The following ARHGEF3 variants were observed in gnomAD, a reference collection of about 807,000 sequenced individuals.
ARHGEF3 encodes the protein Rho guanine nucleotide exchange factor 3.
Under a neutral mutation model 63.2 loss-of-function variants are expected in ARHGEF3, and 28 were observed. The ratio of observed to expected loss-of-function variants is 0.44; its 90% CI spans 0.33 to 0.61. The LOEUF (loss-of-function observed/expected upper bound fraction) is 0.61, where lower values mean the gene tolerates loss of function less well. ARHGEF3 is among the 20% of genes least tolerant of loss of function. The pLI, the probability that ARHGEF3 is intolerant of heterozygous loss-of-function variation, is 0.03. For missense variants in ARHGEF3, 533 were observed against 659.3 expected, an observed-to-expected ratio of 0.81 and a Z score of 2.10; for synonymous variants, 266 against 254.2, an observed-to-expected ratio of 1.05 and a Z score of -0.44.
chr3:56,885,171 T>C (rs1051791161), intron 3 of ARHGEF3, among the ~76,000 whole-genome samples: 9 of 152,218 alleles, frequency 5.9e-5, no homozygotes, highest in Non-Finnish European at 1.0e-4. Context: ...ATGGGCGTCC[T>C]GCTGCCTAGA....
At chr3:56,751,273 C>T (rs767186991) in intron 5 of ARHGEF3, 27 bp downstream of exon 5, 32 of 1,588,614 alleles carry the variant, frequency 2.0e-5, no homozygotes, top group African/African-American at 4.0e-5. Flanking sequence ...CTACAAGTCA[C>T]GACTCATCCT....
chr3:56,892,326 G>A (rs992583836), intron 3 of ARHGEF3, among the ~76,000 whole-genome samples: 1 of 152,084 alleles, frequency 6.6e-6, no homozygotes, highest in Non-Finnish European at 1.5e-5. Flanking sequence ...TTTCAACAGT[G>A]GATGTGACGC....
chr3:56,973,154 C>T (rs2106859790), intron 2 of ARHGEF3, among the ~76,000 whole-genome samples: 1 of 151,988 alleles, frequency 6.6e-6, no homozygotes, highest in South Asian at 2.1e-4. Flanking sequence ...GTAGCTGGGA[C>T]TACAGGCACC....
chr3:56,775,918 G>A (rs1406375892), intron 1 of ARHGEF3, among the ~76,000 whole-genome samples: 1 of 152,184 alleles, frequency 6.6e-6, no homozygotes, highest in Non-Finnish European at 1.5e-5. Flanking sequence ...CAAGTGAGGT[G>A]ACAAAGATTC....
At chr3:57,059,776 C>G (rs546464556) in intron 1 of ARHGEF3, among the ~76,000 whole-genome samples, 1 of 152,142 alleles carries the variant, frequency 6.6e-6, no homozygotes, top group Non-Finnish European at 1.5e-5. Flanking sequence ...TTGGGCAGAT[C>G]ACCTAAGGTC....
At chr3:57,033,288 C>T (rs1407745665) in intron 2 of ARHGEF3, among the ~76,000 whole-genome samples, 1 of 151,894 alleles carries the variant, frequency 6.6e-6, no homozygotes, top group Admixed American at 6.6e-5. Flanking sequence ...GTGGAACATA[C>T]CAGAAAGCAC....
chr3:57,005,053 T>G (rs1702416833), intron 2 of ARHGEF3, among the ~76,000 whole-genome samples: 1 of 152,026 alleles, frequency 6.6e-6, no homozygotes, highest in Non-Finnish European at 1.5e-5. Context: ...TTATAGATGC[T>G]TTCTTAGAAT....
intron 2 of ARHGEF3, among the ~76,000 whole-genome samples, chr3:56,968,193 A>T (rs1578983571): frequency 7.4e-5 from 1 of 13,470 alleles, no homozygotes; most frequent in Non-Finnish European, 2.4e-4. Flanking sequence ...TATATATTAT[A>T]TATAATATAT....
At position 57,069,386 on chromosome 3, in the gene ARHGEF3, C is replaced by CACACAT. The variant is rs1177233015; in HGVS notation, c.-28+9839_-28+9840insATGTGT. ...AATCTCTGTCTCTCAAACACACACA[C>CACACAT]ACACACACACACACACACACACACA... On this transcript the variant is annotated intron_variant, in intron 1 of 12. Transcript: ENST00000338458. 6.2e-3 allele frequency among the ~76,000 whole-genome samples: 937 copies of CACACAT among 151,650 alleles called. 10 individuals carry two copies. The highest frequency in any genetic ancestry group is 0.021 in the African/African-American group (866 of 41,350).
At chr3:56,976,145 A>G (rs1019135630) in intron 2 of ARHGEF3, among the ~76,000 whole-genome samples, 2 of 152,072 alleles carry the variant, frequency 1.3e-5, no homozygotes, top group Non-Finnish European at 2.9e-5. Context: ...GCGTTCAAGC[A>G]ATTCTTCTGT....
intron 6 of ARHGEF3, 79 bp downstream of exon 6, chr3:56,750,976 TA>T: frequency 3.0e-6 from 3 of 1,003,332 alleles, no homozygotes; most frequent in South Asian, 2.7e-5. Context: ...AAAATAAAAA[TA>T]AAAAAAGTCT....
At chr3:56,931,585 A>C (rs2042413207) in intron 3 of ARHGEF3, among the ~76,000 whole-genome samples, 1 of 150,174 alleles carries the variant, frequency 6.7e-6, no homozygotes, top group Non-Finnish European at 1.5e-5. Context: ...CAAAAAAAAA[A>C]AAAAAAAAAA....
At chr3:56,917,434 C>G (rs1304927464) in intron 3 of ARHGEF3, among the ~76,000 whole-genome samples, 1 of 152,188 alleles carries the variant, frequency 6.6e-6, no homozygotes, top group Non-Finnish European at 1.5e-5. Context: ...TTTTTAAGAG[C>G]CTTCCTCTGT....
chr3:57,008,792 T>A (rs1055698596), intron 2 of ARHGEF3, among the ~76,000 whole-genome samples: 2 of 152,168 alleles, frequency 1.3e-5, no homozygotes, highest in South Asian at 4.1e-4. Flanking sequence ...TCTCTGGACC[T>A]CTGTTTCCGC....
At chr3:56,802,007 G>A (rs528012433), upstream of ARHGEF3, 389 of 1,452,846 alleles carry the variant, frequency 2.7e-4, 3 homozygotes, top group African/African-American at 5.4e-3. Context: ...GGTGGGGAGG[G>A]GGCGGGCCGC....
In ARHGEF3 at chr3:56,729,462, G is replaced by A. The variant is rs529702823; in HGVS notation, c.1389C>T (p.Ser463=). The A allele has an allele frequency of 2.0e-5, 32 of 1,614,064 alleles. No individual in the cohort carries two copies. Among genetic ancestry groups the A allele is most frequent in the East Asian group, 4.5e-5 (2 of 44,876 alleles). The change falls in exon 10 of 10, where the codon TCC becomes TCT. Residue 463 remains serine, a synonymous_variant. Transcript: ENST00000296315. ...TGGTGGGATTTAGGAACGATCCCTC[G>A]GAGTCAAGCACCCCAGCTTGCCCGG... ...CAAGQAGVLD[S]EGSFLNPTTG... is the part of the protein sequence containing the mutation.
intron 4 of ARHGEF3, among the ~76,000 whole-genome samples, chr3:56,881,643 TA>T (rs1166772579): frequency 6.6e-6 from 1 of 151,830 alleles, no homozygotes; most frequent in East Asian, 1.9e-4. Context: ...ACTTCTGATT[TA>T]AAAAGAAAAA....
At chr3:56,948,971 A>C (rs1560076244) in intron 3 of ARHGEF3, among the ~76,000 whole-genome samples, 1 of 152,094 alleles carries the variant, frequency 6.6e-6, no homozygotes, top group Non-Finnish European at 1.5e-5. Flanking sequence ...AGGCTGGTTC[A>C]ACATACGCAA....
chr3:56,833,447 G>A (rs2108080817), intron 4 of ARHGEF3, among the ~76,000 whole-genome samples: 1 of 152,286 alleles, frequency 6.6e-6, no homozygotes, highest in East Asian at 1.9e-4. Context: ...TCTACAAATA[G>A]TGTGCAGTAT....
Sources: allele counts gnomAD v4.1 joint callset (sites outside exome capture counted in the v4.1 genomes callset), GRCh38; gene constraint gnomAD v4.1.1; transcripts MANE v1.5; gene names NCBI Gene and HGNC (gene_info 2026-07-23, HGNC 2026-07-21).